The following ESRRG variants were observed in gnomAD, a reference collection of about 807,000 sequenced individuals.
ESRRG encodes the protein estrogen-related receptor gamma.
A neutral mutation model predicts 44.0 loss-of-function variants in ESRRG; 13 were observed. The ratio of observed to expected loss-of-function variants is 0.30; its 90% CI spans 0.19 to 0.47. ESRRG has a LOEUF of 0.47. Ranked by LOEUF, ESRRG falls within the 20% of genes least tolerant of loss-of-function variation. The pLI is 1.00. For missense variants in ESRRG, 395 were observed against 580.6 expected (o/e 0.68, Z 3.29); for synonymous variants, 215 against 214.6 (o/e 1.00, Z -0.02).
chr1:216,777,456 T>A (rs1439695822), intron 2 of ESRRG, among the ~76,000 whole-genome samples: 2 of 152,140 alleles, frequency 1.3e-5, no homozygotes, highest in African/African-American at 4.8e-5. Context: ...TGTTTCACTT[T>A]TTATTCCACT....
intron 3 of ESRRG, among the ~76,000 whole-genome samples, chr1:216,575,948 C>T (rs765972555): frequency 2.6e-5 from 4 of 152,032 alleles, no homozygotes; most frequent in East Asian, 1.9e-4. Flanking sequence ...GGTGATTTCA[C>T]CTTTAAAAGT....
At chr1:216,693,703 A>G (rs1179885741) in intron 1 of ESRRG, among the ~76,000 whole-genome samples, 1 of 149,540 alleles carries the variant, frequency 6.7e-6, no homozygotes, top group Non-Finnish European at 1.5e-5. Context: ...TGTTCAGTGC[A>G]GATACAATCA....
At chr1:216,661,520 T>C (rs139124768) in intron 2 of ESRRG, among the ~76,000 whole-genome samples, 309 of 152,322 alleles carry the variant, frequency 2.0e-3, no homozygotes, top group African/African-American at 7.1e-3. Context: ...AGAAACAGTT[T>C]CAATGTGTAC....
intron 3 of ESRRG, among the ~76,000 whole-genome samples, chr1:216,642,393 A>G (rs1472928416): frequency 1.3e-5 from 2 of 152,088 alleles, no homozygotes; most frequent in Non-Finnish European, 1.5e-5. Flanking sequence ...CAAGTTTCAT[A>G]TCAACAAAAC....
intron 3 of ESRRG, among the ~76,000 whole-genome samples, chr1:216,627,632 G>A (rs982040413): frequency 1.3e-5 from 2 of 152,182 alleles, no homozygotes; most frequent in African/African-American, 4.8e-5. Flanking sequence ...CCACGAGCAT[G>A]CTTATGTGAA....
At chr1:216,585,604 CAG>C (rs1344273878) in intron 3 of ESRRG, among the ~76,000 whole-genome samples, 1 of 151,646 alleles carries the variant, frequency 6.6e-6, no homozygotes, top group Admixed American at 6.6e-5. Flanking sequence ...AATGTCAAAA[CAG>C]ATGTTTGTGG....
intron 2 of ESRRG, among the ~76,000 whole-genome samples, chr1:216,881,898 G>C (rs1174694938): frequency 1.3e-5 from 2 of 151,326 alleles, no homozygotes; most frequent in Non-Finnish European, 2.9e-5. Context: ...CTGTTGTCAT[G>C]TTTTCAAAGT....
chr1:216,652,186 T>C (rs2069164465), intron 2 of ESRRG, among the ~76,000 whole-genome samples: 1 of 152,184 alleles, frequency 6.6e-6, no homozygotes, highest in South Asian at 2.1e-4. Context: ...AATTGCAATT[T>C]TGCTGCTCCA....
intron 1 of ESRRG, among the ~76,000 whole-genome samples, chr1:217,137,335 G>T (rs542609669): frequency 8.5e-5 from 13 of 152,346 alleles, no homozygotes; most frequent in African/African-American, 3.1e-4. Context: ...AAGTTACTCT[G>T]TCCCAGAATC....
At chr1:217,060,059 G>A (rs2151333970) in intron 1 of ESRRG, among the ~76,000 whole-genome samples, 1 of 151,876 alleles carries the variant, frequency 6.6e-6, no homozygotes, top group East Asian at 1.9e-4. Context: ...AGGGGTTTTG[G>A]GGGTGGCAAA....
intron 2 of ESRRG, among the ~76,000 whole-genome samples, chr1:216,667,800 T>C (rs2074287459): frequency 6.6e-6 from 1 of 151,768 alleles, no homozygotes; most frequent in Admixed American, 6.6e-5. Flanking sequence ...ACAAAGTGTA[T>C]TACTTAAAAT....
intron 1 of ESRRG, among the ~76,000 whole-genome samples, chr1:217,063,377 G>T (rs2088959781): frequency 6.6e-6 from 1 of 152,184 alleles, no homozygotes; most frequent in Non-Finnish European, 1.5e-5. Flanking sequence ...CAGCAAACTA[G>T]CTACATGCTT....
At chr1:216,861,743 G>A (rs1387207491) in intron 2 of ESRRG, among the ~76,000 whole-genome samples, 3 of 151,952 alleles carry the variant, frequency 2.0e-5, no homozygotes, top group Non-Finnish European at 4.4e-5. Flanking sequence ...ACACTGTTGT[G>A]AGAAGGAAAA....
chr1:217,074,675 A>C (rs1273986050), intron 1 of ESRRG, among the ~76,000 whole-genome samples: 1 of 152,178 alleles, frequency 6.6e-6, no homozygotes, highest in East Asian at 1.9e-4. Flanking sequence ...CCATGTCTAC[A>C]AAACATTTAA....
At chr1:216,770,022 G>A (rs1391582784) in intron 2 of ESRRG, among the ~76,000 whole-genome samples, 8 of 152,074 alleles carry the variant, frequency 5.3e-5, no homozygotes, top group Non-Finnish European at 8.8e-5. Flanking sequence ...GGAAAACTGA[G>A]AAGTGAATTA....
intron 1 of ESRRG, among the ~76,000 whole-genome samples, chr1:217,131,516 A>G (rs747623476): frequency 6.6e-6 from 1 of 152,206 alleles, no homozygotes; most frequent in Non-Finnish European, 1.5e-5. Flanking sequence ...ATGTGCTGTT[A>G]TTGTAAGGAA....
Position 216,891,474 on chromosome 1 carries a change from G to A in ESRRG, c.-14+48108C>T, listed in dbSNP as rs55882843. 2.2e-3 allele frequency among the ~76,000 whole-genome samples: 342 copies of A among 152,318 alleles called. 1 individual carries two copies. Among genetic ancestry groups the A allele is most frequent in the African/African-American group, 7.7e-3 (320 of 41,578 alleles). On this transcript the variant is annotated intron_variant, in intron 2 of 7. Transcript: ENST00000359162. ...CGTGCACATGCACACGCACACATACGTGAGCAGACACATACACACGTACAT... is the reference window on the plus strand; with the variant it reads ...CGTGCACATGCACACGCACACATACATGAGCAGACACATACACACGTACAT...
intron 2 of ESRRG, among the ~76,000 whole-genome samples, chr1:216,913,972 A>T (rs1223872970): frequency 6.6e-6 from 1 of 152,228 alleles, no homozygotes; most frequent in Non-Finnish European, 1.5e-5. Context: ...ACTAATAAAC[A>T]GCAAACTACA....
At chr1:217,060,632 T>C (rs1165729059) in intron 1 of ESRRG, among the ~76,000 whole-genome samples, 1 of 152,096 alleles carries the variant, frequency 6.6e-6, no homozygotes. Flanking sequence ...TGTGATTTAA[T>C]AGAAATCCAC....
Sources: gnomAD v4.1 joint callset for allele counts (sites outside exome capture counted in the v4.1 genomes callset) on GRCh38, gnomAD v4.1.1 for gene constraint, MANE v1.5 for transcripts, NCBI Gene and HGNC (gene_info 2026-07-23, HGNC 2026-07-21) for gene names.